Variants in CABCOCO1 observed in about 807,000 individuals in gnomAD.
CABCOCO1 encodes ciliary associated calcium binding coiled-coil 1.
A neutral mutation model predicts 35.7 loss-of-function variants in CABCOCO1; 28 were observed. The observed-to-expected ratio is 0.78, with a 90% CI of 0.58 to 1.07. The LOEUF is 1.07. Ranked by LOEUF, CABCOCO1 falls within the 50% of genes least tolerant of loss-of-function variation. The pLI is 0.00. For missense variants in CABCOCO1, 326 were observed against 309.2 expected, an observed-to-expected ratio of 1.05 and a Z score of -0.41; for synonymous variants, 95 against 100.1, an observed-to-expected ratio of 0.95 and a Z score of 0.30.
chr10:61,727,685 C>T (rs1177212180), intron 5 of CABCOCO1, among the ~76,000 whole-genome samples: 2 of 152,098 alleles, frequency 1.3e-5, no homozygotes, highest in East Asian at 1.9e-4. Flanking sequence ...TTTTCTGTAG[C>T]GTGTATTTAC....
At chr10:61,708,282 C>A (rs1463735453) in intron 5 of CABCOCO1, among the ~76,000 whole-genome samples, 1 of 151,326 alleles carries the variant, frequency 6.6e-6, no homozygotes, top group Non-Finnish European at 1.5e-5. Context: ...GTGTACCTTT[C>A]TTTCCTTCCC....
At chr10:61,691,166 TACTGTTGCACCAATAAGC>T (rs1840128534) in intron 5 of CABCOCO1, among the ~76,000 whole-genome samples, 1 of 152,172 alleles carries the variant, frequency 6.6e-6, no homozygotes, top group Non-Finnish European at 1.5e-5. Flanking sequence ...GAATTTGGGC[TACTGTTGCACCAATAAGC>T]ATATCAATAT....
chr10:61,685,980 T>C, intron 3 of CABCOCO1, 61 bp from the exon 4 acceptor site: 1 of 1,444,376 alleles, frequency 6.9e-7, no homozygotes, highest in East Asian at 2.5e-5. Flanking sequence ...CATCTTGGAT[T>C]ATCTTATTCT....
intron 5 of CABCOCO1, among the ~76,000 whole-genome samples, chr10:61,717,449 G>A (rs1260045689): frequency 6.7e-6 from 1 of 149,002 alleles, no homozygotes; most frequent in Non-Finnish European, 1.5e-5. Context: ...GCCAGGAAAA[G>A]AAAAGCCTAA....
chr10:61,677,931 T>C (rs117311503), intron 2 of CABCOCO1, among the ~76,000 whole-genome samples: 2,355 of 151,798 alleles, frequency 0.016, 39 homozygotes, highest in East Asian at 0.046. Flanking sequence ...TTAGTCTTTT[T>C]CTTTATGGTT....
chr10:61,684,090 A>G (rs140762521), intron 3 of CABCOCO1, among the ~76,000 whole-genome samples: 15 of 152,256 alleles, frequency 9.9e-5, no homozygotes, highest in Non-Finnish European at 1.9e-4. Context: ...TACTTCCACT[A>G]TTATCAAAAG....
At chr10:61,726,539 T>C (rs971872905) in intron 5 of CABCOCO1, among the ~76,000 whole-genome samples, 2 of 152,118 alleles carry the variant, frequency 1.3e-5, no homozygotes, top group African/African-American at 4.8e-5. Context: ...TTTTTAAATA[T>C]TTTTACTACT....
intron 5 of CABCOCO1, among the ~76,000 whole-genome samples, chr10:61,732,304 T>G (rs1841321126): frequency 1.3e-5 from 2 of 152,050 alleles, no homozygotes; most frequent in Non-Finnish European, 1.5e-5. Context: ...CATCAAAAAT[T>G]TAGAGAACTC....
In CABCOCO1 at chr10:61,682,764, A is replaced by T. The variant is rs1053562056; in HGVS notation, c.334+1452A>T. On this transcript the variant is annotated intron_variant, in intron 3 of 7. Transcript: ENST00000648843. ...GTTCAGTGACTCCTTAAGGACACAC[A>T]GGGTCTACACTAGCAAGTGAGGGCC... Among the ~76,000 whole-genome samples the T allele has an allele frequency of 7.4e-4, 113 of 152,242 alleles. 1 individual carries two copies. The highest frequency in any genetic ancestry group is 8.3e-4 in the South Asian group (4 of 4,822).
chr10:61,682,712 T>G (rs915718112), intron 3 of CABCOCO1, among the ~76,000 whole-genome samples: 1 of 152,100 alleles, frequency 6.6e-6, no homozygotes, highest in Non-Finnish European at 1.5e-5. Context: ...TGCCAGCTTA[T>G]GAGAGAAATT....
At position 61,711,849 on chromosome 10, in the gene CABCOCO1, A is replaced by G. The variant is rs181396358; in HGVS notation, c.552+21228A>G. ...CTAAATACACAGTTCTCCATAACCC[A>G]TGGATAAAAGAAGAAATAAAAAAGG... is the stretch of plus-strand genomic sequence containing the variant. On this transcript the variant is annotated intron_variant, in intron 5 of 7. Transcript: ENST00000648843. Among the ~76,000 whole-genome samples the G allele has an allele frequency of 9.8e-4, 149 of 152,160 alleles. 2 individuals carry two copies. Among genetic ancestry groups the G allele is most frequent in the Non-Finnish European group, 1.5e-5 (1 of 67,934 alleles).
intron 1 of CABCOCO1, among the ~76,000 whole-genome samples, chr10:61,672,237 C>T (rs1839382442): frequency 6.6e-6 from 1 of 152,142 alleles, no homozygotes; most frequent in African/African-American, 2.4e-5. Context: ...TTATGGCTTA[C>T]TTGTGTTCTT....
intron 5 of CABCOCO1, among the ~76,000 whole-genome samples, chr10:61,694,007 G>A (rs180819917): frequency 1.3e-5 from 2 of 151,932 alleles, no homozygotes; most frequent in African/African-American, 2.4e-5. Flanking sequence ...TGAGATAATC[G>A]AGGCATATGA....
At chr10:61,742,497 A>G (rs1361419470) in intron 5 of CABCOCO1, among the ~76,000 whole-genome samples, 1 of 152,216 alleles carries the variant, frequency 6.6e-6, no homozygotes, top group Non-Finnish European at 1.5e-5. Flanking sequence ...ATAAGAGCCC[A>G]GATTTGGAAT....
intron 5 of CABCOCO1, among the ~76,000 whole-genome samples, chr10:61,708,272 G>T (rs2132025567): frequency 6.6e-6 from 1 of 151,266 alleles, no homozygotes; most frequent in African/African-American, 2.4e-5. Flanking sequence ...TTACTTTAAG[G>T]TGTACCTTTC....
At chr10:61,746,111 C>T (rs1416821811) in intron 5 of CABCOCO1, among the ~76,000 whole-genome samples, 4 of 152,314 alleles carry the variant, frequency 2.6e-5, no homozygotes, top group Admixed American at 1.3e-4. Context: ...GGCCAGCAAC[C>T]TTAGCCCTTC....
chr10:61,745,658 C>A (rs921138133), intron 5 of CABCOCO1, among the ~76,000 whole-genome samples: 1 of 152,186 alleles, frequency 6.6e-6, no homozygotes, highest in African/African-American at 2.4e-5. Context: ...GCACACAGAT[C>A]AGTTGAATTG....
At chr10:61,688,345 A>G (rs1840028055) in intron 4 of CABCOCO1, among the ~76,000 whole-genome samples, 2 of 152,206 alleles carry the variant, frequency 1.3e-5, no homozygotes, top group Non-Finnish European at 2.9e-5. Context: ...TTTTTAGAAC[A>G]TGACCCATAC....
chr10:61,760,316 G>A, intron 6 of CABCOCO1, 135 bp downstream of exon 6: 1 of 1,249,588 alleles, frequency 8.0e-7, no homozygotes, highest in Non-Finnish European at 1.1e-6. Context: ...ATTTCTCTAA[G>A]TGTTGATTCA....
Sources: allele counts gnomAD v4.1 joint callset (sites outside exome capture counted in the v4.1 genomes callset), GRCh38; gene constraint gnomAD v4.1.1; transcripts MANE v1.5; gene names NCBI Gene and HGNC (gene_info 2026-07-23, HGNC 2026-07-21).